SHISA9: variants seen among roughly 807,000 people sequenced by gnomAD.
The protein encoded by SHISA9 is protein shisa-9.
Under a neutral mutation model 38.0 loss-of-function variants are expected in SHISA9, and 13 were observed. The observed-to-expected ratio is 0.34, with a 90% CI of 0.22 to 0.54. The LOEUF is 0.54. Ranked by LOEUF, SHISA9 falls within the 20% of genes least tolerant of loss-of-function variation. SHISA9 has a pLI of 0.91. For synonymous variants in SHISA9, 275 were observed against 242.0 expected, an observed-to-expected ratio of 1.14 and a Z score of -1.27; for missense variants, 538 against 575.8, an observed-to-expected ratio of 0.93 and a Z score of 0.67.
chr16:13,205,075 A>C (rs2051051044), intron 3 of SHISA9, among the ~76,000 whole-genome samples: 1 of 152,146 alleles, frequency 6.6e-6, no homozygotes. Flanking sequence ...AATGGTTCTC[A>C]CATGTGGATG....
the SHISA9 span, among the ~76,000 whole-genome samples, chr16:13,493,457 G>T: frequency 6.6e-6 from 1 of 152,178 alleles, no homozygotes; most frequent in East Asian, 1.9e-4. Context: ...GCAGAACAGC[G>T]AGGTCAGGAA....
At chr16:13,120,476 T>C (rs2074075300) in intron 2 of SHISA9, among the ~76,000 whole-genome samples, 1 of 152,220 alleles carries the variant, frequency 6.6e-6, no homozygotes, top group Non-Finnish European at 1.5e-5. Flanking sequence ...CATGGTCGTA[T>C]GTAGGGCGGA....
chr16:12,997,521 C>T (rs2072473075), intron 2 of SHISA9, among the ~76,000 whole-genome samples: 1 of 151,706 alleles, frequency 6.6e-6, no homozygotes, highest in Admixed American at 6.6e-5. Flanking sequence ...ATTCTCCCAC[C>T]TTAGCCTCGC....
At chr16:13,207,915 T>C (rs531089050) in intron 3 of SHISA9, among the ~76,000 whole-genome samples, 1 of 152,324 alleles carries the variant, frequency 6.6e-6, no homozygotes, top group East Asian at 1.9e-4. Context: ...GATAAGCAGA[T>C]TCATTTTCTA....
At chr16:13,382,573 G>T in the SHISA9 span, among the ~76,000 whole-genome samples, 9 of 149,628 alleles carry the variant, frequency 6.0e-5, no homozygotes, top group African/African-American at 2.2e-4. Context: ...AAAAACAGGC[G>T]TGGTGGCTTT....
intron 2 of SHISA9, among the ~76,000 whole-genome samples, chr16:13,135,884 T>A (rs2050344390): frequency 6.6e-6 from 1 of 152,158 alleles, no homozygotes; most frequent in Non-Finnish European, 1.5e-5. Flanking sequence ...GTTTTGTGCT[T>A]CTGGGGTAGA....
intron 2 of SHISA9, among the ~76,000 whole-genome samples, chr16:13,015,463 T>C (rs1567182135): frequency 6.6e-6 from 1 of 152,254 alleles, no homozygotes; most frequent in Non-Finnish European, 1.5e-5. Flanking sequence ...GGAGATCCGA[T>C]GTTTGGACTC....
At chr16:12,968,644 C>G (rs1481481466) in intron 2 of SHISA9, among the ~76,000 whole-genome samples, 1 of 152,118 alleles carries the variant, frequency 6.6e-6, no homozygotes, top group Non-Finnish European at 1.5e-5. Context: ...GTGAGAGAAG[C>G]CAGGCACAAA....
At chr16:13,034,413 C>G (rs1243357188) in intron 2 of SHISA9, among the ~76,000 whole-genome samples, 3 of 152,146 alleles carry the variant, frequency 2.0e-5, no homozygotes, top group Non-Finnish European at 2.9e-5. Flanking sequence ...AAAGTCAGGT[C>G]ATTGGGATGT....
At chr16:13,307,568 C>T in the SHISA9 span, among the ~76,000 whole-genome samples, 1 of 152,154 alleles carries the variant, frequency 6.6e-6, no homozygotes, top group African/African-American at 2.4e-5. Context: ...TTGTCCATTC[C>T]AGGAATTAAC....
At chr16:13,120,580 C>A (rs2074076111) in intron 2 of SHISA9, among the ~76,000 whole-genome samples, 1 of 152,124 alleles carries the variant, frequency 6.6e-6, no homozygotes, top group Non-Finnish European at 1.5e-5. Context: ...CGTGAAAACA[C>A]AATGAGACAG....
At chr16:12,919,247 C>A (rs896720241) in intron 2 of SHISA9, among the ~76,000 whole-genome samples, 5 of 152,160 alleles carry the variant, frequency 3.3e-5, no homozygotes, top group Admixed American at 6.5e-5. Context: ...GTGCCAGAAC[C>A]AGAAGGCACC....
At chr16:13,156,413 T>C (rs1185651888) in intron 2 of SHISA9, among the ~76,000 whole-genome samples, 1 of 152,116 alleles carries the variant, frequency 6.6e-6, no homozygotes. Flanking sequence ...CAACACTCAT[T>C]GATAGGTGCA....
At chr16:13,324,186 G>A in the SHISA9 span, among the ~76,000 whole-genome samples, 1 of 152,164 alleles carries the variant, frequency 6.6e-6, no homozygotes, top group Non-Finnish European at 1.5e-5. Flanking sequence ...GAACTGTAAG[G>A]CAAAATAAAC....
chr16:13,375,611 T>G, the SHISA9 span, among the ~76,000 whole-genome samples: 1 of 151,786 alleles, frequency 6.6e-6, no homozygotes, highest in Non-Finnish European at 1.5e-5. Context: ...AGCGTGACTT[T>G]CAAATAGAAA....
intron 2 of SHISA9, among the ~76,000 whole-genome samples, chr16:12,994,812 T>G (rs1431871503): frequency 6.6e-6 from 1 of 152,168 alleles, no homozygotes. Flanking sequence ...ATCTTTGGCA[T>G]AGACAGCTGG....
At chr16:12,909,374 CAAG>C (rs1314149308) in intron 1 of SHISA9, 2 of 985,300 alleles carry the variant, frequency 2.0e-6, no homozygotes, top group East Asian at 1.1e-4. Context: ...GCTTCTTGTG[CAAG>C]AAGAAGTGCT....
chr16:13,494,324 A>C, the SHISA9 span, among the ~76,000 whole-genome samples: 1 of 152,238 alleles, frequency 6.6e-6, no homozygotes, highest in Admixed American at 6.5e-5. Context: ...AGGGATGAGG[A>C]TGCAACAGGA....
intron 2 of SHISA9, among the ~76,000 whole-genome samples, chr16:13,149,152 T>C (rs2050474983): frequency 6.6e-6 from 1 of 152,164 alleles, no homozygotes; most frequent in African/African-American, 2.4e-5. Context: ...AAAACCCTGC[T>C]TGGTAAGGAC....
Sources: gnomAD v4.1 joint callset for allele counts (sites outside exome capture counted in the v4.1 genomes callset) on GRCh38, gnomAD v4.1.1 for gene constraint, MANE v1.5 for transcripts, NCBI Gene and HGNC (gene_info 2026-07-23, HGNC 2026-07-21) for gene names.